The following GREM2 variants were observed in gnomAD, a reference collection of about 807,000 sequenced individuals.
GREM2 encodes the protein gremlin 2, DAN family BMP antagonist, also known as gremlin-2.
In GREM2, 11 loss-of-function variants were observed where a neutral mutation model predicts 14.2. The ratio of observed to expected loss-of-function variants is 0.78; its 90% CI spans 0.49 to 1.28. The LOEUF (loss-of-function observed/expected upper bound fraction) is 1.28, where lower values mean the gene tolerates loss of function less well. GREM2 is among the 50% of genes most tolerant of loss of function. GREM2 has a pLI of 0.00. For missense variants in GREM2, 210 were observed against 218.5 expected, an observed-to-expected ratio of 0.96 and a Z score of 0.24; for synonymous variants, 98 against 97.6, an observed-to-expected ratio of 1.00 and a Z score of -0.02.
chr1:240,576,002 T>C (rs1165493041), intron 1 of GREM2, among the ~76,000 whole-genome samples: 4 of 152,064 alleles, frequency 2.6e-5, no homozygotes, highest in Non-Finnish European at 5.9e-5. Context: ...AAAAGAAATG[T>C]GCCCAAAATA....
intron 1 of GREM2, among the ~76,000 whole-genome samples, chr1:240,548,154 A>G (rs1256263678): frequency 6.6e-6 from 1 of 151,832 alleles, no homozygotes; most frequent in Non-Finnish European, 1.5e-5. Context: ...ATGTGCCTGT[A>G]ATCCCAGCTA....
At chr1:240,564,813 C>T (rs773885989) in intron 1 of GREM2, among the ~76,000 whole-genome samples, 12 of 152,188 alleles carry the variant, frequency 7.9e-5, no homozygotes, top group Non-Finnish European at 1.0e-4. Flanking sequence ...CATCAGGTGG[C>T]ACTGGTGTGG....
chr1:240,589,435 CAGAAAAAAAG>C (rs1679664493), intron 1 of GREM2, among the ~76,000 whole-genome samples: 1 of 133,568 alleles, frequency 7.5e-6, no homozygotes, highest in African/African-American at 3.0e-5. Context: ...AACTCCATCT[CAGAAAAAAAG>C]AAAAAAAAAA....
At chr1:240,493,529 T>C (rs9730356) in intron 1 of GREM2, 53 bp from the exon 2 acceptor site, 31,705 of 1,467,396 alleles carry the variant, frequency 0.022, 1,120 homozygotes, top group African/African-American at 0.16. Flanking sequence ...GAGTACGGGA[T>C]CAATCTTACT....
intron 1 of GREM2, among the ~76,000 whole-genome samples, chr1:240,539,874 C>T (rs1362394343): frequency 6.6e-6 from 1 of 152,224 alleles, no homozygotes; most frequent in Non-Finnish European, 1.5e-5. Flanking sequence ...ACATCTGAGA[C>T]CTTGTGGCTT....
chr1:240,496,128 G>C (rs12084346), intron 1 of GREM2, among the ~76,000 whole-genome samples: 5,134 of 152,062 alleles, frequency 0.034, 312 homozygotes, highest in African/African-American at 0.12. Context: ...GTAGAGACAG[G>C]GTTTCACTAT....
chr1:240,509,558 G>A (rs960533996), intron 1 of GREM2, among the ~76,000 whole-genome samples: 13 of 152,002 alleles, frequency 8.6e-5, no homozygotes, highest in African/African-American at 3.1e-4. Flanking sequence ...AGTAGAGACG[G>A]GGTTTCTCCA....
intron 1 of GREM2, among the ~76,000 whole-genome samples, chr1:240,555,308 G>C (rs1347887104): frequency 1.3e-5 from 2 of 152,092 alleles, no homozygotes; most frequent in Non-Finnish European, 1.5e-5. Context: ...TGCCTCCTTG[G>C]CTTTGGTTTT....
chr1:240,538,470 G>C (rs1678521309), intron 1 of GREM2, among the ~76,000 whole-genome samples: 1 of 152,088 alleles, frequency 6.6e-6, no homozygotes, highest in Non-Finnish European at 1.5e-5. Flanking sequence ...GGCAAGTGGA[G>C]GTGGGTGAAT....
At chr1:240,524,571 T>G (rs563301997) in intron 1 of GREM2, among the ~76,000 whole-genome samples, 1 of 152,316 alleles carries the variant, frequency 6.6e-6, no homozygotes, top group Admixed American at 6.5e-5. Context: ...TTGGGTTAAT[T>G]GCTCACAGTA....
At chr1:240,592,563 T>A (rs1679733497) in intron 1 of GREM2, among the ~76,000 whole-genome samples, 1 of 152,096 alleles carries the variant, frequency 6.6e-6, no homozygotes, top group Admixed American at 6.5e-5. Flanking sequence ...TAACACAGAG[T>A]CTACAATCCT....
At chr1:240,536,130 A>G (rs1678464597) in intron 1 of GREM2, among the ~76,000 whole-genome samples, 1 of 152,128 alleles carries the variant, frequency 6.6e-6, no homozygotes, top group South Asian at 2.1e-4. Flanking sequence ...TTTGATTAAG[A>G]AAAAAAGCCC....
intron 1 of GREM2, among the ~76,000 whole-genome samples, chr1:240,554,268 G>A (rs925602037): frequency 9.9e-5 from 15 of 151,798 alleles, no homozygotes; most frequent in South Asian, 4.2e-4. Context: ...AAAATTAGCC[G>A]GGTGTGGTAG....
At chr1:240,533,244 T>G (rs551034981) in intron 1 of GREM2, among the ~76,000 whole-genome samples, 4 of 152,162 alleles carry the variant, frequency 2.6e-5, no homozygotes, top group Non-Finnish European at 5.9e-5. Context: ...AATTGGCCCT[T>G]AAAGAACTAA....
intron 1 of GREM2, among the ~76,000 whole-genome samples, chr1:240,514,000 C>A (rs1257908005): frequency 1.3e-5 from 2 of 152,006 alleles, no homozygotes; most frequent in Non-Finnish European, 2.9e-5. Flanking sequence ...AATCCCAGCA[C>A]TTTGGGCGGC....
chr1:240,495,616 G>C (rs796676129), intron 1 of GREM2, among the ~76,000 whole-genome samples: 1 of 152,114 alleles, frequency 6.6e-6, no homozygotes, highest in South Asian at 2.1e-4. Context: ...TTATGGATGA[G>C]GACACTAAGG....
intron 1 of GREM2, among the ~76,000 whole-genome samples, chr1:240,546,291 A>G (rs1161941826): frequency 6.6e-6 from 1 of 152,050 alleles, no homozygotes; most frequent in African/African-American, 2.4e-5. Flanking sequence ...GTGAGCCAAG[A>G]TCGCGCTACT....
rs776488462 is a variant in GREM2 at position 240,493,412 on chromosome 1, G to A, written c.64C>T (p.Arg22Trp). Residue 22 changes from arginine to tryptophan, a missense_variant, in exon 2 of 2, where the codon CGG becomes TGG. Coordinates refer to ENST00000318160, the MANE Select transcript of GREM2 (RefSeq NM_022469.4). ...ATGGCGCCCGCCGGCCGGTTCTTCCGGGCTTCCGCCACCTTCACCAGCACC... is the reference window on the plus strand; with the variant it reads ...ATGGCGCCCGCCGGCCGGTTCTTCCAGGCTTCCGCCACCTTCACCAGCACC... Reference protein sequence around the residue: ...VAVLVKVAEARKNRPAGAIPS... With the variant: ...VAVLVKVAEAWKNRPAGAIPS... 2.5e-6 allele frequency: 4 copies of A among 1,613,102 alleles called. No homozygotes were observed. The highest frequency in any genetic ancestry group is 1.7e-6 in the Non-Finnish European group (2 of 1,179,738).
chr1:240,552,577 C>T (rs774055070), intron 1 of GREM2, among the ~76,000 whole-genome samples: 22 of 152,142 alleles, frequency 1.4e-4, no homozygotes, highest in Non-Finnish European at 2.1e-4. Flanking sequence ...CAGAGCAAGA[C>T]CCTATCTCTA....
Sources: gnomAD v4.1 joint callset for allele counts (sites outside exome capture counted in the v4.1 genomes callset) on GRCh38, gnomAD v4.1.1 for gene constraint, MANE v1.5 for transcripts, NCBI Gene and HGNC (gene_info 2026-07-23, HGNC 2026-07-21) for gene names.